The following PCDH15 variants were observed in gnomAD, a reference collection of about 807,000 sequenced individuals.
PCDH15 encodes protocadherin-15.
Under a neutral mutation model 178.5 loss-of-function variants are expected in PCDH15, and 129 were observed. The ratio of observed to expected loss-of-function variants is 0.72; its 90% CI spans 0.63 to 0.84. PCDH15 has a LOEUF of 0.84. Ranked by LOEUF, PCDH15 falls within the 40% of genes least tolerant of loss-of-function variation. The probability of loss-of-function intolerance (pLI) is 0.00; values close to 1 mark genes in which losing one functional copy is unlikely to be tolerated. For missense variants in PCDH15, 2,230 were observed against 2,099.9 expected (o/e 1.06, Z -1.21); for synonymous variants, 800 against 732.0 (o/e 1.09, Z -1.50).
intron 29 of PCDH15, among the ~76,000 whole-genome samples, chr10:53,837,002 TTCA>T (rs1564575902): frequency 6.6e-6 from 1 of 151,978 alleles, no homozygotes; most frequent in Non-Finnish European, 1.5e-5. Flanking sequence ...CTTCAGTGAG[TTCA>T]TCAATAGGCT....
chr10:54,876,699 T>C (rs918369390), intron 3 of PCDH15, among the ~76,000 whole-genome samples: 14 of 152,132 alleles, frequency 9.2e-5, no homozygotes, highest in African/African-American at 3.4e-4. Flanking sequence ...AGAGGTGACT[T>C]AATTGCTGCC....
intron 9 of PCDH15, among the ~76,000 whole-genome samples, chr10:54,215,613 C>A (rs2051934647): frequency 6.6e-6 from 1 of 152,170 alleles, no homozygotes; most frequent in African/African-American, 2.4e-5. Flanking sequence ...AGTGAGCAAA[C>A]CTTTCCTAAC....
chr10:55,464,075 GGGAAAGAAGA>G (rs67808721), intron 2 of PCDH15, among the ~76,000 whole-genome samples: 34,375 of 111,974 alleles, frequency 0.31, 8,811 homozygotes, highest in East Asian at 0.85. Flanking sequence ...AGGAAAGAAA[GGGAAAGAAGA>G]AAAGAAAAGG....
intron 3 of PCDH15, among the ~76,000 whole-genome samples, chr10:54,853,312 T>TACACAC (rs1327737887): frequency 0.018 from 2,335 of 128,318 alleles, 32 homozygotes; most frequent in Non-Finnish European, 0.027. Context: ...TATATATATA[T>TACACAC]ATATATACAT....
At chr10:55,411,299 TATC>T (rs1243433378) in intron 2 of PCDH15, among the ~76,000 whole-genome samples, 5 of 152,094 alleles carry the variant, frequency 3.3e-5, no homozygotes, top group African/African-American at 1.2e-4. Flanking sequence ...TTAGACTGAT[TATC>T]ATAATACCCA....
intron 15 of PCDH15, among the ~76,000 whole-genome samples, chr10:54,092,451 T>A (rs2136075005): frequency 6.7e-6 from 1 of 149,838 alleles, no homozygotes; most frequent in African/African-American, 2.4e-5. Flanking sequence ...CTCCCCACCC[T>A]CCCCATGCCA....
At chr10:54,303,711 A>G (rs11004210) in intron 8 of PCDH15, among the ~76,000 whole-genome samples, 12,178 of 152,258 alleles carry the variant, frequency 0.08, 658 homozygotes, top group Middle Eastern at 0.17. Flanking sequence ...CTAAGTATAC[A>G]GTCCAAGAAG....
intron 3 of PCDH15, among the ~76,000 whole-genome samples, chr10:54,439,741 G>A (rs942170733): frequency 6.6e-6 from 1 of 151,956 alleles, no homozygotes; most frequent in Non-Finnish European, 1.5e-5. Flanking sequence ...AACCCATTAA[G>A]TTATTCACTG....
intron 2 of PCDH15, among the ~76,000 whole-genome samples, chr10:55,541,714 A>C (rs2132076831): frequency 6.6e-6 from 1 of 152,108 alleles, no homozygotes; most frequent in Admixed American, 6.6e-5. Context: ...AATCCTCAAA[A>C]GAAGCAAATT....
chr10:54,587,531 A>T (rs1000145600), intron 2 of PCDH15, among the ~76,000 whole-genome samples: 10 of 118,180 alleles, frequency 8.5e-5, no homozygotes, highest in African/African-American at 3.1e-4. Flanking sequence ...CCAAACACAC[A>T]ATAAAAAAAA....
At chr10:55,081,423 C>A (rs559136477) in intron 2 of PCDH15, among the ~76,000 whole-genome samples, 57 of 152,252 alleles carry the variant, frequency 3.7e-4, no homozygotes, top group Middle Eastern at 3.4e-3. Flanking sequence ...TGCCCTACTT[C>A]CTATTACCAT....
chr10:54,360,236 AC>A (rs1945785627), intron 5 of PCDH15, among the ~76,000 whole-genome samples: 1 of 152,018 alleles, frequency 6.6e-6, no homozygotes, highest in Non-Finnish European at 1.5e-5. Flanking sequence ...CTAACCAACC[AC>A]CTGCTTCCTA....
chr10:54,355,147 T>G (rs947912147), intron 5 of PCDH15, among the ~76,000 whole-genome samples: 5 of 98,088 alleles, frequency 5.1e-5, no homozygotes, highest in South Asian at 3.1e-4. Context: ...AAAAAAAAAA[T>G]GGCTAAAACC....
chr10:54,346,539 G>C, intron 5 of PCDH15, 55 bp from the exon 6 acceptor site: 2 of 1,598,682 alleles, frequency 1.3e-6, no homozygotes, highest in South Asian at 2.2e-5. Context: ...CTGCACACCA[G>C]AAATGTTACA....
chr10:55,494,466 A>C (rs988999486), intron 2 of PCDH15, among the ~76,000 whole-genome samples: 1 of 151,750 alleles, frequency 6.6e-6, no homozygotes, highest in Non-Finnish European at 1.5e-5. Context: ...GGTTGAATTT[A>C]CATCTGCCAT....
At chr10:53,984,122 C>CTTTTTTTTTTTTT (rs57184119) in intron 21 of PCDH15, among the ~76,000 whole-genome samples, 8 of 112,638 alleles carry the variant, frequency 7.1e-5, no homozygotes, top group East Asian at 2.7e-4. Context: ...AAGTGCTTTT[C>CTTTTTTTTTTTTT]TTTTTTTTTT....
At chr10:54,152,977 T>C in intron 14 of PCDH15, 123 bp downstream of exon 14, 1 of 1,195,092 alleles carries the variant, frequency 8.4e-7, no homozygotes, top group Non-Finnish European at 1.2e-6. Flanking sequence ...ATCTGGTCTC[T>C]CTGATTTTCT....
At chr10:55,147,925 G>T (rs541225367) in intron 2 of PCDH15, among the ~76,000 whole-genome samples, 1 of 151,026 alleles carries the variant, frequency 6.6e-6, no homozygotes, top group Non-Finnish European at 1.5e-5. Flanking sequence ...TATTTCATTT[G>T]CTTCTCCCTT....
At chr10:55,310,006 C>T (rs1294497262) in intron 1 of PCDH15, among the ~76,000 whole-genome samples, 4 of 152,034 alleles carry the variant, frequency 2.6e-5, no homozygotes, top group Admixed American at 6.6e-5. Context: ...TCCTCCCATC[C>T]TTGAAATGCA....
Sources: allele counts gnomAD v4.1 joint callset (sites outside exome capture counted in the v4.1 genomes callset), GRCh38; gene constraint gnomAD v4.1.1; transcripts MANE v1.5; gene names NCBI Gene and HGNC (gene_info 2026-07-23, HGNC 2026-07-21).